GABBR2: variants seen among roughly 807,000 people sequenced by gnomAD.
GABBR2 encodes gamma-aminobutyric acid type B receptor subunit 2, also known as G-protein coupled receptor 51.
A neutral mutation model predicts 105.6 loss-of-function variants in GABBR2; 23 were observed. The ratio of observed to expected loss-of-function variants is 0.22; its 90% CI spans 0.16 to 0.31. The LOEUF is 0.31. Among genes scored for constraint, GABBR2 ranks in the 10% least tolerant of loss-of-function variants. The pLI is 1.00. For missense variants in GABBR2, 734 were observed against 1,245.5 expected (o/e 0.59, Z 6.18); for synonymous variants, 478 against 499.7 (o/e 0.96, Z 0.58).
In GABBR2 at chr9:98,473,250, A is replaced by T; in HGVS notation, c.895T>A (p.Ser299Thr). 6.2e-7 allele frequency: 1 copy of T among 1,613,658 alleles called. No homozygotes were observed. Among genetic ancestry groups the T allele is most frequent in the Non-Finnish European group, 8.5e-7 (1 of 1,179,766 alleles). Residue 299 changes from serine (S) to threonine (T), a missense_variant, in exon 6 of 19, where the codon TCA becomes ACA. By Grantham distance (58) the Ser-to-Thr change is moderately conservative (BLOSUM62 1). This residue lies in a region of GABBR2 where 370 missense variants were observed against 648.9 expected (regional missense o/e 0.57). Coordinates refer to ENST00000259455, the MANE Select transcript of GABBR2 (RefSeq NM_005458.8). Reference protein sequence around the residue: ...WWEQVHTEANSSRCLRKNLLA... With the variant: ...WWEQVHTEANTSRCLRKNLLA... ...AGATTCTTCCGGAGGCAGCGGGATGAGTTGGCTTCCGTGTGCACCTGCTCC... is the reference window on the plus strand; with the variant it reads ...AGATTCTTCCGGAGGCAGCGGGATGTGTTGGCTTCCGTGTGCACCTGCTCC...
At chr9:98,680,217 G>A (rs1393637382) in intron 1 of GABBR2, among the ~76,000 whole-genome samples, 4 of 150,800 alleles carry the variant, frequency 2.7e-5, no homozygotes, top group Admixed American at 1.3e-4. Context: ...ACTCAATACT[G>A]CAAAAAAAAA....
chr9:98,527,203 C>T (rs1415296540), intron 3 of GABBR2, among the ~76,000 whole-genome samples: 2 of 151,250 alleles, frequency 1.3e-5, no homozygotes, highest in African/African-American at 4.9e-5. Context: ...TGTTTTAATA[C>T]TCATGACACC....
At chr9:98,461,338 CAG>C (rs2131613262) in intron 6 of GABBR2, among the ~76,000 whole-genome samples, 1 of 152,166 alleles carries the variant, frequency 6.6e-6, no homozygotes, top group East Asian at 1.9e-4. Context: ...GTAATTAAAA[CAG>C]GGTGATATTG....
chr9:98,458,839 C>T (rs1826372199), intron 6 of GABBR2, among the ~76,000 whole-genome samples: 1 of 152,212 alleles, frequency 6.6e-6, no homozygotes, highest in Non-Finnish European at 1.5e-5. Context: ...AAATTGGTAA[C>T]CACTGATGAA....
chr9:98,536,904 C>T (rs1828192152), intron 3 of GABBR2, among the ~76,000 whole-genome samples: 1 of 152,218 alleles, frequency 6.6e-6, no homozygotes, highest in African/African-American at 2.4e-5. Flanking sequence ...CTTCTCCATC[C>T]TGCTCCTCAG....
At chr9:98,636,485 C>CTTTTTTTTTTTTTTTTTTTTT (rs10559312) in intron 1 of GABBR2, among the ~76,000 whole-genome samples, 1 of 66,174 alleles carries the variant, frequency 1.5e-5, no homozygotes, top group Non-Finnish European at 2.6e-5. Context: ...TCTTTCCTTT[C>CTTTTTTTTTTTTTTTTTTTTT]TTTTTTTTTT....
At chr9:98,386,353 G>T (rs186788751) in intron 10 of GABBR2, among the ~76,000 whole-genome samples, 31 of 152,162 alleles carry the variant, frequency 2.0e-4, no homozygotes, top group Admixed American at 9.2e-4. Context: ...TGTCAAGGAG[G>T]CCTAACTGTG....
At chr9:98,677,304 T>A (rs934396466) in intron 1 of GABBR2, among the ~76,000 whole-genome samples, 10 of 152,212 alleles carry the variant, frequency 6.6e-5, no homozygotes. Context: ...CCCAGACAGC[T>A]GAAGGCTTGA....
intron 3 of GABBR2, among the ~76,000 whole-genome samples, chr9:98,539,039 AG>A (rs2131737405): frequency 6.6e-6 from 1 of 152,304 alleles, no homozygotes; most frequent in East Asian, 1.9e-4. Context: ...CGGCTGTGCA[AG>A]GGGAAAGATG....
intron 1 of GABBR2, among the ~76,000 whole-genome samples, chr9:98,626,271 A>G (rs943780192): frequency 9.2e-5 from 14 of 152,192 alleles, no homozygotes; most frequent in Non-Finnish European, 1.8e-4. Context: ...GTGACTGCCA[A>G]TGGCTCCAGG....
chr9:98,449,378 C>T (rs901811008), intron 7 of GABBR2, among the ~76,000 whole-genome samples: 17 of 152,160 alleles, frequency 1.1e-4, no homozygotes, highest in African/African-American at 3.9e-4. Flanking sequence ...TCCATACACC[C>T]AGTGCGGGGC....
intron 3 of GABBR2, among the ~76,000 whole-genome samples, chr9:98,505,910 G>A (rs920388583): frequency 2.0e-5 from 3 of 152,142 alleles, no homozygotes; most frequent in Non-Finnish European, 4.4e-5. Context: ...CTAGTTTGTG[G>A]CGATTTGTTT....
intron 2 of GABBR2, among the ~76,000 whole-genome samples, chr9:98,571,087 C>G (rs758733543): frequency 3.9e-5 from 6 of 152,198 alleles, no homozygotes; most frequent in Middle Eastern, 3.2e-3. Flanking sequence ...TAGCAAACAC[C>G]CTGGGAGGGA....
intron 7 of GABBR2, among the ~76,000 whole-genome samples, chr9:98,422,899 A>T (rs1832809866): frequency 1.3e-5 from 2 of 151,950 alleles, no homozygotes; most frequent in South Asian, 4.2e-4. Flanking sequence ...ACTGAGAATG[A>T]TGATTTCCAA....
At chr9:98,436,348 CAT>C (rs1158239322) in intron 7 of GABBR2, among the ~76,000 whole-genome samples, 19 of 7,594 alleles carry the variant, frequency 2.5e-3, no homozygotes, top group Admixed American at 3.6e-3. Context: ...ACACACACAC[CAT>C]ATATATATAT....
intron 1 of GABBR2, among the ~76,000 whole-genome samples, chr9:98,635,819 T>A (rs143902527): frequency 9.7e-4 from 148 of 152,284 alleles, no homozygotes; most frequent in Middle Eastern, 3.4e-3. Flanking sequence ...GGGTACAGGA[T>A]TCCTCTCTTT....
intron 13 of GABBR2, among the ~76,000 whole-genome samples, chr9:98,317,907 G>T (rs935904808): frequency 1.3e-5 from 2 of 152,004 alleles, no homozygotes; most frequent in Non-Finnish European, 2.9e-5. Flanking sequence ...TTGGAGGGGT[G>T]CTAATGAGGG....
chr9:98,433,171 G>A (rs1825842749), intron 7 of GABBR2, among the ~76,000 whole-genome samples: 1 of 152,230 alleles, frequency 6.6e-6, no homozygotes, highest in Non-Finnish European at 1.5e-5. Flanking sequence ...GCTGTGTAAA[G>A]CATTGCAGAG....
intron 7 of GABBR2, among the ~76,000 whole-genome samples, chr9:98,451,680 AGAT>A (rs1267993515): frequency 1.3e-5 from 2 of 152,180 alleles, no homozygotes; most frequent in Non-Finnish European, 1.5e-5. Flanking sequence ...ACAAGCTCCC[AGAT>A]GATGCAGACC....
Sources: gnomAD v4.1 joint callset for allele counts (sites outside exome capture counted in the v4.1 genomes callset) on GRCh38, gnomAD v4.1.1 for gene constraint, gnomAD v4.1.1 regional missense constraint, MANE v1.5 for transcripts, NCBI Gene and HGNC (gene_info 2026-07-23, HGNC 2026-07-21) for gene names.